SFXN1: variants seen among roughly 807,000 people sequenced by gnomAD.
SFXN1 encodes sideroflexin 1.
A neutral mutation model predicts 39.5 loss-of-function variants in SFXN1; 32 were observed. The observed-to-expected ratio is 0.81, with a 90% CI of 0.61 to 1.09. SFXN1 has a LOEUF of 1.09. SFXN1 is among the 50% of genes least tolerant of loss of function. The probability of loss-of-function intolerance (pLI) is 0.00; values close to 1 mark genes in which losing one functional copy is unlikely to be tolerated. For missense variants in SFXN1, 402 were observed against 407.1 expected (o/e 0.99, Z 0.11); for synonymous variants, 136 against 146.5 (o/e 0.93, Z 0.52).
intron 1 of SFXN1, among the ~76,000 whole-genome samples, chr5:175,489,226 C>T (rs1472927771): frequency 6.6e-6 from 1 of 152,112 alleles, no homozygotes; most frequent in Non-Finnish European, 1.5e-5. Context: ...TTGGCTCATT[C>T]AGAAATGGGA....
At chr5:175,519,436 G>A (rs1387958912) in intron 8 of SFXN1, among the ~76,000 whole-genome samples, 1 of 152,160 alleles carries the variant, frequency 6.6e-6, no homozygotes, top group African/African-American at 2.4e-5. Flanking sequence ...ACTAGAAACA[G>A]CTCAAATGCC....
chr5:175,499,260 A>G (rs1759983540), intron 2 of SFXN1, among the ~76,000 whole-genome samples: 1 of 151,650 alleles, frequency 6.6e-6, no homozygotes, highest in Admixed American at 6.6e-5. Context: ...GTCTCAAGAA[A>G]AAAAAAAAAG....
At chr5:175,487,512 G>T (rs1759494937) in intron 1 of SFXN1, among the ~76,000 whole-genome samples, 1 of 152,088 alleles carries the variant, frequency 6.6e-6, no homozygotes, top group Non-Finnish European at 1.5e-5. Flanking sequence ...CTTTCAGGAT[G>T]CCACTCTCTC....
At chr5:175,509,280 G>C in intron 3 of SFXN1, 78 bp downstream of exon 3, 3 of 1,395,868 alleles carry the variant, frequency 2.1e-6, no homozygotes, top group Non-Finnish European at 2.9e-6. Flanking sequence ...AAATAATTTT[G>C]TTGAAATAAG....
chr5:175,488,167 C>T (rs1269113878), intron 1 of SFXN1, among the ~76,000 whole-genome samples: 5 of 152,186 alleles, frequency 3.3e-5, no homozygotes, highest in Admixed American at 6.5e-5. Context: ...AAAGGCCTTA[C>T]AGTGGCTCCA....
At position 175,520,925 on chromosome 5, in the gene SFXN1, G is replaced by A. The variant is rs115705205; in HGVS notation, c.775-994G>A. 5.3e-3 allele frequency among the ~76,000 whole-genome samples: 800 copies of A among 152,128 alleles called. 4 individuals carry two copies. The highest frequency in any genetic ancestry group is 0.018 in the African/African-American group (744 of 41,504). On this transcript the variant is annotated intron_variant, in intron 8 of 10. Transcript: ENST00000321442. ...ACCTGTGAAGACTAGTTTCCTTGAC[G>A]ATGCTGCTCCCTTCCTCTCCAATCC...
intron 2 of SFXN1, among the ~76,000 whole-genome samples, chr5:175,500,915 C>A (rs983474219): frequency 6.6e-6 from 1 of 152,062 alleles, no homozygotes; most frequent in Admixed American, 6.6e-5. Context: ...AAATTAGATT[C>A]TTGTATAAAA....
At chr5:175,506,016 C>T (rs1760279995) in intron 2 of SFXN1, among the ~76,000 whole-genome samples, 1 of 152,142 alleles carries the variant, frequency 6.6e-6, no homozygotes, top group Non-Finnish European at 1.5e-5. Flanking sequence ...TGGGATTTCA[C>T]CATGTTGGCC....
At chr5:175,516,487 C>A in intron 7 of SFXN1, 127 bp from the exon 8 acceptor site, 3 of 718,054 alleles carry the variant, frequency 4.2e-6, no homozygotes, top group South Asian at 2.0e-5. Flanking sequence ...TTGCTACAAA[C>A]TGTTTTTACT....
chr5:175,519,390 G>A (rs753110150), intron 8 of SFXN1, among the ~76,000 whole-genome samples: 3 of 152,120 alleles, frequency 2.0e-5, no homozygotes, highest in African/African-American at 4.8e-5. Context: ...CATAAAAGAC[G>A]AATATTCATA....
chr5:175,528,757 A>G lies in SFXN1; in HGVS notation c.*2023A>G, dbSNP rs946767476. 6.6e-6 allele frequency: 1 copy of G among 152,186 alleles called. No homozygotes were observed. The highest frequency in any genetic ancestry group is 1.5e-5 in the Non-Finnish European group (1 of 68,044). 9.4% of individuals were successfully genotyped at this position (152,186 alleles called of 1,614,324 possible). A position where few individuals can be genotyped will look rare whatever the true frequency, so the allele number is the denominator to read the frequency against. Reference sequence around the variant, plus strand: ...GGAAGCAAAACGGTTTTCCCATGACATTCTGGCCTTGGACAGATTCTGTTG... The same window carrying G: ...GGAAGCAAAACGGTTTTCCCATGACGTTCTGGCCTTGGACAGATTCTGTTG... On this transcript the variant is annotated 3_prime_UTR_variant, in exon 11 of 11. Transcript: ENST00000321442.
rs1346722930 is a variant in SFXN1 at position 175,526,929 on chromosome 5, T to C, written c.*195T>C. ...CCAAGTGCCTGATACTCCCTTACAC[T>C]GAATCATGTTATGATTTATAGAAAT... On this transcript the variant is annotated 3_prime_UTR_variant, in exon 11 of 11. Coordinates refer to ENST00000321442, the MANE Select transcript of SFXN1 (RefSeq NM_022754.7). 1 of 575,802 alleles carries C rather than the reference T, an allele frequency of 1.7e-6. No individual in the cohort carries two copies. The highest frequency in any genetic ancestry group is 3.1e-6 in the Non-Finnish European group (1 of 325,132). The allele number at this position is 575,802 out of a possible 1,614,324, so 35.7% of individuals were successfully genotyped here.
chr5:175,500,150 T>G (rs1327613180), intron 2 of SFXN1, among the ~76,000 whole-genome samples: 1 of 152,154 alleles, frequency 6.6e-6, no homozygotes, highest in Non-Finnish European at 1.5e-5. Context: ...ATTGCACCAT[T>G]GTACTCCAGC....
chr5:175,508,273 T>A (rs906858029), intron 2 of SFXN1, among the ~76,000 whole-genome samples: 2 of 135,426 alleles, frequency 1.5e-5, no homozygotes, highest in African/African-American at 5.5e-5. Flanking sequence ...CTGCCCAGGC[T>A]GGAGTACAGT....
At chr5:175,526,242 C>T (rs1169531091) in intron 10 of SFXN1, among the ~76,000 whole-genome samples, 2 of 150,570 alleles carry the variant, frequency 1.3e-5, no homozygotes, top group Non-Finnish European at 2.9e-5. Context: ...ATGCATTTCA[C>T]TGATTGCATA....
At chr5:175,504,662 A>G (rs1760219302) in intron 2 of SFXN1, among the ~76,000 whole-genome samples, 1 of 152,164 alleles carries the variant, frequency 6.6e-6, no homozygotes, top group South Asian at 2.1e-4. Context: ...AATAGACACA[A>G]TGGTAGTTTC....
At chr5:175,516,149 C>T (rs1760710986) in intron 7 of SFXN1, among the ~76,000 whole-genome samples, 1 of 152,068 alleles carries the variant, frequency 6.6e-6, no homozygotes, top group East Asian at 1.9e-4. Context: ...TCCTGCTGGG[C>T]AGCCCTATTC....
At chr5:175,524,128 ATATATATATATATATATATATATAT>A (rs1760983788) in intron 10 of SFXN1, 4 of 18,432 alleles carry the variant, frequency 2.2e-4, no homozygotes, top group African/African-American at 3.0e-4. Flanking sequence ...AAAAAAAAAT[ATATATATATATATATATATATATAT>A]ATATATATAT....
At chr5:175,484,585 G>C (rs1029286910) in intron 1 of SFXN1, among the ~76,000 whole-genome samples, 5 of 152,240 alleles carry the variant, frequency 3.3e-5, no homozygotes, top group African/African-American at 1.2e-4. Flanking sequence ...CCCACATAGC[G>C]GCCAAGGCCT....
Sources: allele counts gnomAD v4.1 joint callset (sites outside exome capture counted in the v4.1 genomes callset), GRCh38; gene constraint gnomAD v4.1.1; transcripts MANE v1.5; gene names NCBI Gene and HGNC (gene_info 2026-07-23, HGNC 2026-07-21).